The following CHODL variants were observed in gnomAD, a reference collection of about 807,000 sequenced individuals.
CHODL encodes chondrolectin, also known as transmembrane protein MT75.
Under a neutral mutation model 34.5 loss-of-function variants are expected in CHODL, and 29 were observed. That is an observed-to-expected ratio of 0.84 (90% CI 0.63 to 1.15). CHODL has a LOEUF of 1.15. Among genes scored for constraint, CHODL ranks in the 50% most tolerant of loss-of-function variants. CHODL has a pLI of 0.00. For missense variants in CHODL, 332 were observed against 332.5 expected (o/e 1.00, Z 0.01); for synonymous variants, 125 against 116.1 (o/e 1.08, Z -0.49).
chr21:18,039,078 T>C (rs1282775095), intron 2 of CHODL, among the ~76,000 whole-genome samples: 1 of 151,608 alleles, frequency 6.6e-6, no homozygotes, highest in African/African-American at 2.4e-5. Context: ...TTCCATCCCA[T>C]TTTGGGATGG....
intron 2 of CHODL, among the ~76,000 whole-genome samples, chr21:18,044,726 C>T (rs975490531): frequency 5.3e-5 from 8 of 151,790 alleles, no homozygotes; most frequent in African/African-American, 1.9e-4. Context: ...TTCAGTCATG[C>T]CTTCTTGAGA....
intron 2 of CHODL, among the ~76,000 whole-genome samples, chr21:18,127,682 T>TTTG (rs2072591355): frequency 2.9e-5 from 4 of 136,262 alleles, no homozygotes; most frequent in Admixed American, 2.2e-4. Flanking sequence ...GTTTTTTTTT[T>TTTG]TTTTTTTTTT....
At chr21:18,141,573 T>C (rs1347737840) in intron 2 of CHODL, among the ~76,000 whole-genome samples, 1 of 151,964 alleles carries the variant, frequency 6.6e-6, no homozygotes, top group Non-Finnish European at 1.5e-5. Context: ...AAACTGAGAA[T>C]TGGAGTTGAC....
intron 1 of CHODL, among the ~76,000 whole-genome samples, chr21:17,954,416 C>T (rs1175559951): frequency 2.0e-5 from 3 of 147,586 alleles, no homozygotes; most frequent in Non-Finnish European, 4.5e-5. Context: ...CTGGGTGTGT[C>T]TGTGAGTGTT....
At chr21:18,218,019 C>G (rs1287963450) in intron 2 of CHODL, among the ~76,000 whole-genome samples, 3 of 152,220 alleles carry the variant, frequency 2.0e-5, no homozygotes, top group African/African-American at 7.2e-5. Context: ...CAGTCCCACT[C>G]TGGGCTGCTT....
chr21:18,248,730 A>G (rs1483876111), intron 1 of CHODL, among the ~76,000 whole-genome samples: 1 of 120,256 alleles, frequency 8.3e-6, no homozygotes, highest in African/African-American at 3.6e-5. Context: ...ATATATGTAT[A>G]TAATATATAT....
chr21:17,965,375 A>G (rs2063563587), intron 1 of CHODL, among the ~76,000 whole-genome samples: 1 of 152,124 alleles, frequency 6.6e-6, no homozygotes, highest in Non-Finnish European at 1.5e-5. Flanking sequence ...TTTTCACAAT[A>G]TATAGTGCAG....
At chr21:18,146,102 G>A (rs920809204) in intron 2 of CHODL, among the ~76,000 whole-genome samples, 1 of 151,408 alleles carries the variant, frequency 6.6e-6, no homozygotes, top group Non-Finnish European at 1.5e-5. Flanking sequence ...CCGAGTAGCT[G>A]AGACTACATT....
intron 2 of CHODL, among the ~76,000 whole-genome samples, chr21:18,215,418 A>T (rs756255211): frequency 1.3e-5 from 2 of 152,132 alleles, no homozygotes; most frequent in Non-Finnish European, 2.9e-5. Context: ...ATAAGATCAA[A>T]CATAGCAGAG....
At chr21:18,090,910 C>T (rs1358501422) in intron 2 of CHODL, among the ~76,000 whole-genome samples, 10 of 152,078 alleles carry the variant, frequency 6.6e-5, no homozygotes, top group Admixed American at 6.6e-4. Context: ...AGTCACAGGA[C>T]CTGGTTTTAA....
intron 2 of CHODL, among the ~76,000 whole-genome samples, chr21:18,087,420 G>A (rs1402253653): frequency 1.3e-5 from 2 of 152,174 alleles, no homozygotes; most frequent in African/African-American, 2.4e-5. Context: ...GGCACCTTGG[G>A]CATGTGACAA....
chr21:18,123,694 G>A (rs1601033701), intron 2 of CHODL, among the ~76,000 whole-genome samples: 2 of 151,990 alleles, frequency 1.3e-5, no homozygotes, highest in Admixed American at 1.3e-4. Context: ...TATAATGGAG[G>A]AGCCCTATGA....
rs371838098 is a variant in CHODL, at chr21:17,990,548, T to A, written c.-144-37324T>A. Among the ~76,000 whole-genome samples the A allele has an allele frequency of 2.1e-4, 32 of 152,238 alleles. 1 individual carries two copies. The highest frequency in any genetic ancestry group is 7.7e-4 in the African/African-American group (32 of 41,584). ...CATTTCCACTACGGTTTCAAGTAGT[T>A]TAGGCAATTTTCAGTGCTGAATTTA... On this transcript the variant is annotated intron_variant, in intron 1 of 6. Transcript: ENST00000400127.
intron 2 of CHODL, among the ~76,000 whole-genome samples, chr21:18,030,039 T>G (rs934158385): frequency 6.6e-6 from 1 of 152,108 alleles, no homozygotes; most frequent in South Asian, 2.1e-4. Context: ...GGCTCTAACA[T>G]AGCCCCCAGT....
chr21:18,128,857 G>A (rs1267684567), intron 2 of CHODL, among the ~76,000 whole-genome samples: 2 of 151,946 alleles, frequency 1.3e-5, no homozygotes, highest in African/African-American at 4.8e-5. Context: ...TTCATGTTTA[G>A]TAATGGCAAT....
intron 2 of CHODL, among the ~76,000 whole-genome samples, chr21:18,194,888 T>C (rs930082044): frequency 6.6e-6 from 1 of 152,080 alleles, no homozygotes; most frequent in African/African-American, 2.4e-5. Context: ...GAAGTATGTA[T>C]ATATTGTGGA....
At chr21:17,961,496 G>T (rs1325150938) in intron 1 of CHODL, among the ~76,000 whole-genome samples, 2 of 152,200 alleles carry the variant, frequency 1.3e-5, no homozygotes, top group East Asian at 3.8e-4. Context: ...CAGGGAAAAT[G>T]TTGTGGGCAA....
At chr21:18,106,292 A>G (rs114007677) in intron 2 of CHODL, among the ~76,000 whole-genome samples, 6,631 of 152,174 alleles carry the variant, frequency 0.044, 471 homozygotes, top group African/African-American at 0.15. Context: ...TGAATAAAAA[A>G]CAGACAGTAC....
rs71189576 is a variant in CHODL, at chr21:18,010,297, C to CAAAA, written c.-144-17553_-144-17550dup. On this transcript the variant is annotated intron_variant, in intron 1 of 6. Coordinates refer to the CHODL transcript ENST00000400127. Reference sequence around the variant, plus strand: ...GGGCGACAGAGCAAGACTCCCGTCTCAAAAAAAAAAAAAAAAAAAAAAAAA... The same window carrying CAAAA: ...GGGCGACAGAGCAAGACTCCCGTCTCAAAAAAAAAAAAAAAAAAAAAAAAAAAAA... 4.0e-3 allele frequency among the ~76,000 whole-genome samples: 153 copies of CAAAA among 37,896 alleles called. 4 individuals carry two copies. Among genetic ancestry groups the CAAAA allele is most frequent in the African/African-American group, 7.7e-3 (76 of 9,924 alleles). The allele number at this position is 37,896 out of a possible 152,430, so 24.9% of individuals were successfully genotyped here.
Sources: allele counts gnomAD v4.1 joint callset (sites outside exome capture counted in the v4.1 genomes callset), GRCh38; gene constraint gnomAD v4.1.1; transcripts MANE v1.5; gene names NCBI Gene and HGNC (gene_info 2026-07-23, HGNC 2026-07-21).